The following SYNDIG1 variants were observed in gnomAD, a reference collection of about 807,000 sequenced individuals.
The protein encoded by SYNDIG1 is synapse differentiation-inducing gene protein 1.
A neutral mutation model predicts 19.4 loss-of-function variants in SYNDIG1; 9 were observed. The ratio of observed to expected loss-of-function variants is 0.46; its 90% confidence interval spans 0.28 to 0.81. SYNDIG1 has a LOEUF of 0.81. Ranked by LOEUF, SYNDIG1 falls within the 30% of genes least tolerant of loss-of-function variation. The probability of loss-of-function intolerance (pLI) is 0.12; values close to 1 mark genes in which losing one functional copy is unlikely to be tolerated. For missense variants in SYNDIG1, 311 were observed against 343.3 expected (o/e 0.91, Z 0.74); for synonymous variants, 141 against 145.9 (o/e 0.97, Z 0.24).
intron 2 of SYNDIG1, among the ~76,000 whole-genome samples, chr20:24,563,608 T>A (rs1451344640): frequency 6.6e-6 from 1 of 152,192 alleles, no homozygotes; most frequent in Non-Finnish European, 1.5e-5. Context: ...CCTAATTAAA[T>A]TTATTTATTT....
chr20:24,592,004 A>G (rs1486479927), intron 3 of SYNDIG1, among the ~76,000 whole-genome samples: 1 of 152,244 alleles, frequency 6.6e-6, no homozygotes, highest in Non-Finnish European at 1.5e-5. Flanking sequence ...TGCAGCTCCC[A>G]GGGATAAGTC....
chr20:24,472,963 C>G (rs910244438), intron 1 of SYNDIG1, among the ~76,000 whole-genome samples: 1 of 152,152 alleles, frequency 6.6e-6, no homozygotes, highest in East Asian at 1.9e-4. Flanking sequence ...TCACCCATCC[C>G]CAAATAAAAC....
chr20:24,661,459 G>T (rs1405585985), intron 3 of SYNDIG1, among the ~76,000 whole-genome samples: 2 of 140,314 alleles, frequency 1.4e-5, no homozygotes, highest in South Asian at 2.5e-4. Flanking sequence ...GAGGGAGGAA[G>T]TAGGAAGGAG....
intron 1 of SYNDIG1, among the ~76,000 whole-genome samples, chr20:24,532,491 G>A (rs1224150184): frequency 6.6e-6 from 1 of 152,180 alleles, no homozygotes; most frequent in African/African-American, 2.4e-5. Context: ...TGGGGTGACA[G>A]GAATGTTCTG....
intron 3 of SYNDIG1, among the ~76,000 whole-genome samples, chr20:24,600,763 C>T (rs974947337): frequency 2.6e-5 from 4 of 151,964 alleles, no homozygotes; most frequent in Non-Finnish European, 5.9e-5. Context: ...TACAGGTGCC[C>T]GCCACCACGC....
intron 1 of SYNDIG1, among the ~76,000 whole-genome samples, chr20:24,470,380 A>T (rs1239022671): frequency 6.6e-6 from 1 of 151,770 alleles, no homozygotes; most frequent in Non-Finnish European, 1.5e-5. Context: ...GGAAGCAGAG[A>T]CTCCTGGAGC....
chr20:24,646,062 C>T (rs2059419950), intron 3 of SYNDIG1, among the ~76,000 whole-genome samples: 1 of 152,144 alleles, frequency 6.6e-6, no homozygotes, highest in Non-Finnish European at 1.5e-5. Context: ...GCCCAGGAAG[C>T]CCCCAGTTCA....
intron 3 of SYNDIG1, among the ~76,000 whole-genome samples, chr20:24,589,062 CCAGTTCATA>C (rs1427361554): frequency 3.3e-5 from 5 of 152,158 alleles, no homozygotes; most frequent in African/African-American, 7.2e-5. Flanking sequence ...GCTTTGTAAA[CCAGTTCATA>C]CAGAGGAGGA....
At position 24,514,148 on chromosome 20, in the gene SYNDIG1, C is replaced by T. The variant is rs182303160; in HGVS notation, c.-78-28872C>T. Among the ~76,000 whole-genome samples the T allele has an allele frequency of 5.9e-3, 892 of 152,222 alleles. 14 individuals carry two copies. The highest frequency in any genetic ancestry group is 0.02 in the African/African-American group (850 of 41,548). ...AGCACTAAATATGGAAAGGAACACCCGGTACTAGCCACTGCAAAAACATGC... is the reference window on the plus strand; with the variant it reads ...AGCACTAAATATGGAAAGGAACACCTGGTACTAGCCACTGCAAAAACATGC... On this transcript the variant is annotated intron_variant, in intron 1 of 3. Coordinates refer to ENST00000376862, the MANE Select transcript of SYNDIG1 (RefSeq NM_024893.3).
intron 1 of SYNDIG1, among the ~76,000 whole-genome samples, chr20:24,493,475 A>G (rs543371499): frequency 1.3e-5 from 2 of 152,232 alleles, no homozygotes; most frequent in Non-Finnish European, 2.9e-5. Flanking sequence ...ATACATGGGC[A>G]CACACACATC....
intron 1 of SYNDIG1, among the ~76,000 whole-genome samples, chr20:24,499,316 C>T (rs566164274): frequency 6.6e-6 from 1 of 152,202 alleles, no homozygotes; most frequent in African/African-American, 2.4e-5. Flanking sequence ...TGAGCCACTG[C>T]GCTCAGCCTA....
At chr20:24,581,798 T>A (rs1035257430) in intron 2 of SYNDIG1, among the ~76,000 whole-genome samples, 10 of 150,822 alleles carry the variant, frequency 6.6e-5, no homozygotes, top group African/African-American at 2.4e-4. Flanking sequence ...CCGCTGCATG[T>A]CCTCCCAACT....
chr20:24,547,092 A>G (rs1568630371), intron 2 of SYNDIG1, among the ~76,000 whole-genome samples: 1 of 151,374 alleles, frequency 6.6e-6, no homozygotes, highest in African/African-American at 2.4e-5. Flanking sequence ...GCCCTGGTTC[A>G]GAGTGGGGCC....
chr20:24,547,353 T>C (rs1223196489), intron 2 of SYNDIG1, among the ~76,000 whole-genome samples: 1 of 152,230 alleles, frequency 6.6e-6, no homozygotes. Flanking sequence ...CAGTTTGCCT[T>C]CGAGGTTGTG....
chr20:24,474,394 A>G (rs1037833543), intron 1 of SYNDIG1, among the ~76,000 whole-genome samples: 2 of 152,244 alleles, frequency 1.3e-5, no homozygotes, highest in Non-Finnish European at 2.9e-5. Flanking sequence ...TCAGGATCAA[A>G]AATAACTGCT....
intron 1 of SYNDIG1, among the ~76,000 whole-genome samples, chr20:24,506,656 G>A (rs2056598647): frequency 6.6e-6 from 1 of 152,174 alleles, no homozygotes; most frequent in East Asian, 1.9e-4. Context: ...CCTAATCTGG[G>A]ATGGGCCACA....
At chr20:24,596,621 A>G (rs922637784) in intron 3 of SYNDIG1, among the ~76,000 whole-genome samples, 2 of 152,112 alleles carry the variant, frequency 1.3e-5, no homozygotes, top group Admixed American at 1.3e-4. Flanking sequence ...TCAAGTGATC[A>G]GACCGCCTCG....
chr20:24,542,152 A>G (rs1211239222), intron 1 of SYNDIG1, among the ~76,000 whole-genome samples: 1 of 150,700 alleles, frequency 6.6e-6, no homozygotes, highest in African/African-American at 2.5e-5. Context: ...ATAATTTATG[A>G]TACTCAAAAT....
intron 3 of SYNDIG1, among the ~76,000 whole-genome samples, chr20:24,621,390 G>T (rs1473728343): frequency 6.6e-6 from 1 of 152,198 alleles, no homozygotes; most frequent in Non-Finnish European, 1.5e-5. Context: ...CACCAATTTG[G>T]CATTCTCTCT....
Sources: gnomAD v4.1 joint callset for allele counts (sites outside exome capture counted in the v4.1 genomes callset) on GRCh38, gnomAD v4.1.1 for gene constraint, MANE v1.5 for transcripts, NCBI Gene and HGNC (gene_info 2026-07-23, HGNC 2026-07-21) for gene names.